The following GREB1L variants were observed in gnomAD, a reference collection of about 807,000 sequenced individuals.
The protein encoded by GREB1L is GREB1 like retinoic acid receptor coactivator.
In GREB1L, 17 loss-of-function variants were observed where a neutral mutation model predicts 200.8. The observed-to-expected ratio is 0.08, with a 90% CI of 0.06 to 0.13. The LOEUF is 0.13. Among genes scored for constraint, GREB1L ranks in the 10% least tolerant of loss-of-function variants. The pLI is 1.00. For missense variants in GREB1L, 1,657 were observed against 2,367.7 expected (o/e 0.70, Z 6.23); for synonymous variants, 789 against 893.0 (o/e 0.88, Z 2.08).
chr18:21,352,732 C>A (rs547164136), intron 1 of GREB1L, among the ~76,000 whole-genome samples: 5 of 151,966 alleles, frequency 3.3e-5, no homozygotes, highest in Admixed American at 3.3e-4. Context: ...CTGCACCCGG[C>A]TTTTATATTT....
chr18:21,405,149 T>A (rs964203153), intron 7 of GREB1L, among the ~76,000 whole-genome samples: 1 of 152,218 alleles, frequency 6.6e-6, no homozygotes, highest in African/African-American at 2.4e-5. Context: ...CACGGGAGAT[T>A]TAGATAGAGG....
intron 15 of GREB1L, among the ~76,000 whole-genome samples, chr18:21,455,345 C>G (rs915198562): frequency 3.3e-5 from 5 of 152,024 alleles, no homozygotes; most frequent in Admixed American, 3.3e-4. Flanking sequence ...CACACACACG[C>G]AGATTTTAGA....
rs560323375 is a variant in GREB1L, at chr18:21,494,359, G to A, written c.3031-1311G>A. On this transcript the variant is annotated intron_variant, in intron 19 of 32. Transcript: ENST00000424526. ...AAATTATAGAAATTTTATTTGAAGT[G>A]ATTGTGGGAATGTTTATTTCTAAAG... Among the ~76,000 whole-genome samples, 9 of 152,278 alleles carry A rather than the reference G, an allele frequency of 5.9e-5. No homozygotes were observed. In the South Asian group the frequency reaches 1.7e-3, roughly 28 times the overall value.
chr18:21,312,588 C>T (rs895944475), intron 1 of GREB1L, among the ~76,000 whole-genome samples: 16 of 151,086 alleles, frequency 1.1e-4, no homozygotes, highest in African/African-American at 3.7e-4. Context: ...AAAGTCTCGC[C>T]CTGTCGCCAG....
At chr18:21,459,061 G>C (rs1173888303) in intron 15 of GREB1L, among the ~76,000 whole-genome samples, 1 of 151,962 alleles carries the variant, frequency 6.6e-6, no homozygotes, top group Non-Finnish European at 1.5e-5. Flanking sequence ...GAGGTATCCA[G>C]GCAAGGAAGT....
At chr18:21,246,305 A>G (rs781257519) in intron 1 of GREB1L, among the ~76,000 whole-genome samples, 1 of 152,192 alleles carries the variant, frequency 6.6e-6, no homozygotes, top group Non-Finnish European at 1.5e-5. Flanking sequence ...AAACACATAA[A>G]TGTTAGCTCT....
intron 7 of GREB1L, among the ~76,000 whole-genome samples, chr18:21,424,821 A>T (rs993086573): frequency 5.3e-5 from 8 of 152,118 alleles, no homozygotes; most frequent in African/African-American, 1.9e-4. Context: ...TCCCTGTTTC[A>T]TCCCTTTCCT....
chr18:21,426,019 T>G (rs2032538051), intron 7 of GREB1L, among the ~76,000 whole-genome samples: 1 of 152,140 alleles, frequency 6.6e-6, no homozygotes, highest in Non-Finnish European at 1.5e-5. Context: ...TATTAGCTAT[T>G]AGCCATTACA....
At chr18:21,508,715 G>C in intron 27 of GREB1L, 124 bp downstream of exon 27, 5 of 380,002 alleles carry the variant, frequency 1.3e-5, no homozygotes, top group Non-Finnish European at 1.9e-5. Context: ...CCACTCTTCG[G>C]AAAAAAAAAA....
chr18:21,446,391 AATAAG>A (rs1228117317), intron 11 of GREB1L, among the ~76,000 whole-genome samples: 1 of 152,212 alleles, frequency 6.6e-6, no homozygotes, highest in Non-Finnish European at 1.5e-5. Flanking sequence ...AAGTGGTCAA[AATAAG>A]ATATCTTTTC....
At position 21,484,377 on chromosome 18, in the gene GREB1L, A is replaced by G. The variant is rs60688432; in HGVS notation, c.2557-1243A>G. ...TTCGGTAGAGATGGGGTTTCACCAT[A>G]TTGGCCAGGCTGGTCTCAAAAAAAA... is the stretch of plus-strand genomic sequence containing the variant. On this transcript the variant is annotated intron_variant, in intron 17 of 32. Coordinates refer to ENST00000424526, the MANE Select transcript of GREB1L (RefSeq NM_001142966.3). 3.1e-4 allele frequency among the ~76,000 whole-genome samples: 47 copies of G among 151,844 alleles called. No homozygotes were observed. In the East Asian group the frequency reaches 9.2e-3, roughly 30 times the overall value.
intron 25 of GREB1L, among the ~76,000 whole-genome samples, chr18:21,506,346 G>T (rs1598944649): frequency 6.6e-6 from 1 of 151,114 alleles, no homozygotes; most frequent in Non-Finnish European, 1.5e-5. Flanking sequence ...AGTGAGCCGA[G>T]ACCACGCCAC....
intron 1 of GREB1L, among the ~76,000 whole-genome samples, chr18:21,253,036 T>C (rs772811626): frequency 6.6e-6 from 1 of 152,180 alleles, no homozygotes; most frequent in African/African-American, 2.4e-5. Flanking sequence ...TGCCCATTTG[T>C]ATTCAAAAGG....
intron 15 of GREB1L, among the ~76,000 whole-genome samples, chr18:21,468,040 A>G (rs1176203716): frequency 1.3e-5 from 2 of 151,950 alleles, no homozygotes; most frequent in Non-Finnish European, 2.9e-5. Context: ...AAAAAAAAAA[A>G]AGATACGAAA....
chr18:21,476,010 G>A (rs1370549051), intron 16 of GREB1L, among the ~76,000 whole-genome samples: 1 of 140,654 alleles, frequency 7.1e-6, no homozygotes, highest in Non-Finnish European at 1.5e-5. Context: ...GTCAAATATG[G>A]ATCCATATTT....
intron 1 of GREB1L, among the ~76,000 whole-genome samples, chr18:21,278,118 G>A (rs776736328): frequency 3.3e-5 from 5 of 152,130 alleles, no homozygotes; most frequent in Non-Finnish European, 7.4e-5. Context: ...AGTGGCTTAT[G>A]CCTGTAGTCC....
chr18:21,348,700 G>A (rs533689543), intron 1 of GREB1L, among the ~76,000 whole-genome samples: 6 of 152,068 alleles, frequency 3.9e-5, no homozygotes, highest in East Asian at 1.9e-4. Flanking sequence ...GCTTGAACCC[G>A]GGAGGCAGAG....
chr18:21,268,556 C>CAT (rs2038019099), intron 1 of GREB1L, among the ~76,000 whole-genome samples: 25 of 95,730 alleles, frequency 2.6e-4, no homozygotes, highest in East Asian at 5.9e-4. Flanking sequence ...CACACACACA[C>CAT]ACACATATAT....
At chr18:21,483,774 C>A (rs559453124) in intron 17 of GREB1L, among the ~76,000 whole-genome samples, 2 of 151,998 alleles carry the variant, frequency 1.3e-5, no homozygotes, top group East Asian at 3.9e-4. Flanking sequence ...ATCAGGAATT[C>A]GACACCAGCC....
Sources: allele counts gnomAD v4.1 joint callset (sites outside exome capture counted in the v4.1 genomes callset), GRCh38; gene constraint gnomAD v4.1.1; transcripts MANE v1.5; gene names NCBI Gene and HGNC (gene_info 2026-07-23, HGNC 2026-07-21).